Variants in PRRC2B observed in about 807,000 individuals in gnomAD.
The protein encoded by PRRC2B is protein PRRC2B.
In PRRC2B, 68 loss-of-function variants were observed where a neutral mutation model predicts 242.3. The observed-to-expected ratio is 0.28, with a 90% confidence interval of 0.23 to 0.34. The LOEUF is 0.34. PRRC2B is among the 10% of genes least tolerant of loss of function. The pLI is 1.00. For synonymous variants in PRRC2B, 1,228 were observed against 1,173.6 expected, an observed-to-expected ratio of 1.05 and a Z score of -0.95; for missense variants, 2,835 against 2,954.8, an observed-to-expected ratio of 0.96 and a Z score of 0.94.
chr9:131,499,295 G>A lies in PRRC2B; in HGVS notation c.*3421G>A, dbSNP rs1944408342. 1 of 152,266 alleles carries A rather than the reference G, an allele frequency of 6.6e-6. No individual in the cohort carries two copies. The allele number at this position is 152,266 out of a possible 1,614,324, so 9.4% of individuals were successfully genotyped here. A position where few individuals can be genotyped will look rare whatever the true frequency, so the allele number is the denominator to read the frequency against. ...TGGTCTGGCCTGCTACGGCAGCATGGCAGCTCTGGTGGAGCCTTCTCCCTT... is the reference window on the plus strand; with the variant it reads ...TGGTCTGGCCTGCTACGGCAGCATGACAGCTCTGGTGGAGCCTTCTCCCTT... On this transcript the variant is annotated 3_prime_UTR_variant, in exon 32 of 32. Transcript: ENST00000683519.
rs1838790160 is a variant in PRRC2B, at chr9:131,446,050, GTGTT to G, written c.614-346_614-343del. Among the ~76,000 whole-genome samples, 1 of 152,210 alleles carries G rather than the reference GTGTT, an allele frequency of 6.6e-6. No homozygotes were observed. The highest frequency in any genetic ancestry group is 1.5e-5 in the Non-Finnish European group (1 of 68,042). ...GTGCTGACCCTAAGTGGGCTGGTCAGTGTTTGTTGAAGGAATGACCCAAGGCTGG... is the reference window on the plus strand; with the variant it reads ...GTGCTGACCCTAAGTGGGCTGGTCAGTGTTGAAGGAATGACCCAAGGCTGG... On this transcript the variant is annotated intron_variant, in intron 6 of 31. Coordinates refer to ENST00000683519, the MANE Select transcript of PRRC2B (RefSeq NM_013318.4). The surrounding 1 kb of genome is among the most constrained non-coding windows in gnomAD (Gnocchi z 4.1).
At chr9:131,390,378 C>G (rs959243287), upstream of PRRC2B, among the ~76,000 whole-genome samples, 40 of 149,094 alleles carry the variant, frequency 2.7e-4, no homozygotes, top group Non-Finnish European at 1.5e-5. Flanking sequence ...GGATGGATGA[C>G]TGCATGCCAT....
intron 1 of PRRC2B, among the ~76,000 whole-genome samples, chr9:131,415,640 C>T (rs1445811100): frequency 6.6e-6 from 1 of 152,156 alleles, no homozygotes; most frequent in East Asian, 1.9e-4. Context: ...GTATTGGATT[C>T]TAGATTGAAA....
At chr9:131,436,581 C>CT (rs758781653) in intron 3 of PRRC2B, 39 bp from the exon 4 acceptor site, 9 of 1,549,142 alleles carry the variant, frequency 5.8e-6, no homozygotes, top group Non-Finnish European at 8.0e-6. Context: ...CCAGCGCACT[C>CT]TGTGCGGTGC....
At chr9:131,451,335 G>A (rs1270079162) in intron 9 of PRRC2B, among the ~76,000 whole-genome samples, 3 of 152,072 alleles carry the variant, frequency 2.0e-5, no homozygotes, top group African/African-American at 7.2e-5. Context: ...GGAGGCGGAG[G>A]TTGCAATGAG....
upstream of PRRC2B, among the ~76,000 whole-genome samples, chr9:131,389,812 C>T (rs1024652372): frequency 6.7e-5 from 10 of 149,730 alleles, no homozygotes; most frequent in African/African-American, 2.4e-4. Flanking sequence ...AGAGACACCA[C>T]AGTGCTCCCC....
In PRRC2B at chr9:131,395,307, GGCTT is replaced by G. The variant is rs771339206; in HGVS notation, c.-52+1045_-52+1048del. Among the ~76,000 whole-genome samples, 13 of 152,172 alleles carry G rather than the reference GGCTT, an allele frequency of 8.5e-5. 1 individual carries two copies. In the East Asian group the frequency reaches 1.5e-3, roughly 18 times the overall value. ...TTAAGGTTTAGTGTGCATTTGATGT[GGCTT>G]TGTACAGTGTCATCCAGTTTGGTTT... On this transcript the variant is annotated intron_variant, in intron 1 of 31. Transcript: ENST00000683519.
At chr9:131,484,524 C>T (rs535811087) in intron 23 of PRRC2B, among the ~76,000 whole-genome samples, 162 bp from the exon 24 acceptor site, 4 of 152,208 alleles carry the variant, frequency 2.6e-5, no homozygotes, top group Middle Eastern at 3.4e-3. Flanking sequence ...TTCATAGACA[C>T]GGAGCTGTAG....
upstream of PRRC2B, among the ~76,000 whole-genome samples, chr9:131,393,773 G>C (rs73551621): frequency 0.1 from 14,945 of 148,242 alleles, 970 homozygotes; most frequent in African/African-American, 0.18. Context: ...CCCTTCTCTT[G>C]GCTCCTGGCC....
intron 10 of PRRC2B, among the ~76,000 whole-genome samples, chr9:131,457,254 AC>A (rs1398181123): frequency 1.3e-5 from 2 of 152,244 alleles, no homozygotes; most frequent in East Asian, 3.8e-4. Context: ...AGTTCCTGGA[AC>A]ACTAAGCTCA....
intron 1 of PRRC2B, among the ~76,000 whole-genome samples, chr9:131,417,074 A>G (rs1837679494): frequency 6.6e-6 from 1 of 152,072 alleles, no homozygotes; most frequent in South Asian, 2.1e-4. Context: ...TGGAAACTGC[A>G]TGGACTCTTC....
intron 23 of PRRC2B, 125 bp from the exon 24 acceptor site, chr9:131,484,561 G>A: frequency 2.8e-6 from 2 of 723,148 alleles, no homozygotes; most frequent in Non-Finnish European, 4.6e-6. Context: ...CCATGGATGG[G>A]TTTGGGCAAG....
At position 131,486,098 on chromosome 9, in the gene PRRC2B, G is replaced by C. The variant is rs199984688; in HGVS notation, c.5772G>C (p.Pro1924=). ...CTCTGTTTCCAGGCAGCCACCTCCC[G>C]CCCCTGTACCTGGATGGCCATGTGT... ...PSASMPGSHL[P]PLYLDGHVFA... is the part of the protein sequence containing the mutation. Residue 1924 remains proline (P), a synonymous_variant, in exon 26 of 32, where the codon CCG becomes CCC. Transcript: ENST00000683519. The C allele has an allele frequency of 2.5e-6, 4 of 1,611,986 alleles. No individual in the cohort carries two copies. The African/African-American group carries it at 5.3e-5, about 22-fold the overall frequency.
In PRRC2B at chr9:131,446,779, C is replaced by T; in HGVS notation, c.855+137C>T. The T allele has an allele frequency of 2.9e-6, 3 of 1,022,554 alleles. No homozygotes were observed. Among genetic ancestry groups the T allele is most frequent in the Non-Finnish European group, 4.2e-6 (3 of 709,962 alleles). The allele number at this position is 1,022,554 out of a possible 1,614,324, so 63.3% of individuals were successfully genotyped here. A position where few individuals can be genotyped will look rare whatever the true frequency, so the allele number is the denominator to read the frequency against. The stretch of plus-strand genomic sequence containing the variant: ...ACTTCTGAGGCTTCCACTCGTTTTG[C>T]ATTTTCTCTCCCTGCTTTTTAAATC... On this transcript the variant is annotated intron_variant, in intron 7 of 31. Coordinates refer to ENST00000683519, the MANE Select transcript of PRRC2B (RefSeq NM_013318.4). The surrounding 1 kb of genome is among the most constrained non-coding windows in gnomAD (Gnocchi z 4.1).
chr9:131,396,284 T>C (rs888852302), intron 1 of PRRC2B, among the ~76,000 whole-genome samples: 9 of 149,792 alleles, frequency 6.0e-5, no homozygotes, highest in African/African-American at 2.2e-4. Flanking sequence ...CCCTTTCCCT[T>C]CCTTTTCCTT....
exon 1 of PRRC2B, chr9:131,373,675 T>C (rs1329072598): frequency 6.6e-6 from 1 of 152,236 alleles, no homozygotes. Context: ...GCCGCCGCGA[T>C]TCTGGGCGTG....
intron 1 of PRRC2B, among the ~76,000 whole-genome samples, chr9:131,411,218 CTG>C (rs1226021566): frequency 1.3e-5 from 2 of 151,942 alleles, no homozygotes; most frequent in African/African-American, 4.8e-5. Flanking sequence ...GATCACGCCA[CTG>C]TACTCCAGCC....
At chr9:131,470,144 G>T (rs553168634) in intron 13 of PRRC2B, among the ~76,000 whole-genome samples, 2 of 152,316 alleles carry the variant, frequency 1.3e-5, no homozygotes, top group East Asian at 3.9e-4. Flanking sequence ...AGCAGAAAGT[G>T]GAGGGCCAGT....
chr9:131,494,559 C>A lies in PRRC2B; in HGVS notation c.6555+73C>A. The A allele has an allele frequency of 2.5e-6, 2 of 806,284 alleles. No homozygotes were observed. The highest frequency in any genetic ancestry group is 4.1e-6 in the Non-Finnish European group (2 of 492,656). 49.9% of individuals were successfully genotyped at this position (806,284 alleles called of 1,614,324 possible). On this transcript the variant is annotated intron_variant, in intron 31 of 31. Transcript: ENST00000683519. The surrounding 1 kb of genome is among the most constrained non-coding windows in gnomAD (Gnocchi z 4.3). ...TCTCCAAGCGCCAAAAGAGAAGGGACTGTCCAACCTATCTGAGCGCCCCCT... is the reference window on the plus strand; with the variant it reads ...TCTCCAAGCGCCAAAAGAGAAGGGAATGTCCAACCTATCTGAGCGCCCCCT...
Sources: gnomAD v4.1 joint callset for allele counts (sites outside exome capture counted in the v4.1 genomes callset) on GRCh38, gnomAD v4.1.1 for gene constraint, Gnocchi (gnomAD v3.1) non-coding constraint, MANE v1.5 for transcripts, NCBI Gene and HGNC (gene_info 2026-07-23, HGNC 2026-07-21) for gene names.